The following USP25 variants were observed in gnomAD, a reference collection of about 807,000 sequenced individuals.
USP25 encodes the protein ubiquitin specific peptidase 25, also known as ubiquitin carboxyl-terminal hydrolase 25.
A neutral mutation model predicts 158.5 loss-of-function variants in USP25; 85 were observed. The observed-to-expected ratio is 0.54, with a 90% confidence interval of 0.45 to 0.64. The LOEUF is 0.64. USP25 is among the 30% of genes least tolerant of loss of function. USP25 has a pLI of 0.00. For missense variants in USP25, 1,242 were observed against 1,327.3 expected (o/e 0.94, Z 1.00); for synonymous variants, 464 against 460.4 (o/e 1.01, Z -0.10).
chr21:15,754,714 C>T (rs1422416037), intron 1 of USP25, among the ~76,000 whole-genome samples: 2 of 152,138 alleles, frequency 1.3e-5, no homozygotes, highest in African/African-American at 4.8e-5. Context: ...ATGCAGAGGT[C>T]CTTTAAGCTG....
chr21:15,858,065 C>A (rs145694170), intron 20 of USP25, among the ~76,000 whole-genome samples: 1 of 151,978 alleles, frequency 6.6e-6, no homozygotes, highest in Non-Finnish European at 1.5e-5. Context: ...TGTTTTTGGA[C>A]AATACACTGA....
Position 15,754,088 on chromosome 21 carries a change from C to T in USP25, c.46-8803C>T, listed in dbSNP as rs376441857. 1.6e-4 allele frequency among the ~76,000 whole-genome samples: 24 copies of T among 152,068 alleles called. No individual in the cohort carries two copies. The East Asian group carries it at 3.9e-3, about 24-fold the overall frequency. The stretch of plus-strand genomic sequence containing the variant: ...TCCTTTAAAAATGGATTTTTTTTCA[C>T]AAAAGGACAGTTTTTCAAGGTTACT... On this transcript the variant is annotated intron_variant, in intron 1 of 25. Transcript: ENST00000400183.
chr21:15,850,849 C>T (rs1255368823), intron 20 of USP25, among the ~76,000 whole-genome samples: 2 of 151,808 alleles, frequency 1.3e-5, no homozygotes, highest in African/African-American at 2.4e-5. Context: ...CTGATATGCC[C>T]GGGACTGAGG....
intron 6 of USP25, among the ~76,000 whole-genome samples, chr21:15,802,409 T>C (rs895187456): frequency 3.3e-5 from 5 of 151,534 alleles, no homozygotes; most frequent in African/African-American, 1.2e-4. Flanking sequence ...TAAGTCTCAG[T>C]GCATCTTAGA....
chr21:15,878,217 G>T, intron 25 of USP25, 86 bp from the exon 26 acceptor site: 2 of 1,496,616 alleles, frequency 1.3e-6, no homozygotes, highest in Non-Finnish European at 9.0e-7. Context: ...TTACCTATTA[G>T]AGTAAGTTAA....
intron 22 of USP25, 84 bp downstream of exon 22, chr21:15,866,428 G>T (rs2039663689): frequency 4.0e-6 from 4 of 999,270 alleles, no homozygotes; most frequent in Non-Finnish European, 5.6e-6. Context: ...CCCAACTGAA[G>T]TTGAATTTGT....
intron 4 of USP25, among the ~76,000 whole-genome samples, chr21:15,791,101 T>C (rs939205556): frequency 1.3e-5 from 2 of 151,850 alleles, no homozygotes; most frequent in Non-Finnish European, 2.9e-5. Flanking sequence ...ACTTGTTCAG[T>C]TTTTAATGTT....
intron 5 of USP25, among the ~76,000 whole-genome samples, chr21:15,795,395 C>G (rs532666820): frequency 6.6e-6 from 1 of 151,632 alleles, no homozygotes; most frequent in Non-Finnish European, 1.5e-5. Flanking sequence ...AATGCTTCAA[C>G]ATGTTTGTTA....
At chr21:15,823,690 C>T (rs947921321) in intron 10 of USP25, among the ~76,000 whole-genome samples, 1 of 152,110 alleles carries the variant, frequency 6.6e-6, no homozygotes, top group Non-Finnish European at 1.5e-5. Context: ...TGCCATTCAA[C>T]ATCACGTTGA....
chr21:15,746,737 A>G (rs1430400434), intron 1 of USP25, among the ~76,000 whole-genome samples: 1 of 152,188 alleles, frequency 6.6e-6, no homozygotes. Flanking sequence ...TTGCTGGTAT[A>G]TAGAATGTGG....
Position 15,796,403 on chromosome 21 carries a change from C to T in USP25, c.556-3354C>T, listed in dbSNP as rs550163995. Among the ~76,000 whole-genome samples, 3 of 151,420 alleles carry T rather than the reference C, an allele frequency of 2.0e-5. No individual in the cohort carries two copies. The East Asian group carries it at 5.8e-4, about 29-fold the overall frequency. On this transcript the variant is annotated intron_variant, in intron 5 of 25. Coordinates refer to ENST00000400183, the MANE Select transcript of USP25 (RefSeq NM_001283041.3). ...TTGAGGGCATCACAGAGTACTAAAG[C>T]AGTGAGGAATTTTGAGTAAAGAAGG...
chr21:15,756,694 T>G (rs751157520), intron 1 of USP25, among the ~76,000 whole-genome samples: 4 of 152,176 alleles, frequency 2.6e-5, no homozygotes, highest in Non-Finnish European at 5.9e-5. Flanking sequence ...AGTAGACACT[T>G]AAGGATGTTA....
chr21:15,829,177 AT>A (rs375096956), intron 14 of USP25, among the ~76,000 whole-genome samples: 10 of 151,888 alleles, frequency 6.6e-5, no homozygotes, highest in Middle Eastern at 3.4e-3. Flanking sequence ...GTTCTTTTTT[AT>A]GTTCAGGGGT....
chr21:15,859,361 T>G (rs1220590831), intron 20 of USP25, among the ~76,000 whole-genome samples: 1 of 151,578 alleles, frequency 6.6e-6, no homozygotes, highest in African/African-American at 2.4e-5. Context: ...CCTGGCTAAG[T>G]TTTTTTTGTA....
intron 1 of USP25, among the ~76,000 whole-genome samples, chr21:15,736,031 T>C (rs2123170478): frequency 6.6e-6 from 1 of 151,960 alleles, no homozygotes; most frequent in South Asian, 2.1e-4. Flanking sequence ...TATATGTATG[T>C]AGACATGCCA....
intron 17 of USP25, among the ~76,000 whole-genome samples, chr21:15,838,390 A>T (rs1441962577): frequency 2.0e-5 from 3 of 152,148 alleles, no homozygotes; most frequent in Non-Finnish European, 2.9e-5. Flanking sequence ...AAAATTTTAA[A>T]GTAGAAACAA....
intron 20 of USP25, among the ~76,000 whole-genome samples, chr21:15,856,481 T>TC (rs1409378775): frequency 6.6e-6 from 1 of 151,982 alleles, no homozygotes; most frequent in East Asian, 1.9e-4. Context: ...TTTTTTTCTT[T>TC]TTTTTTTTGA....
intron 20 of USP25, among the ~76,000 whole-genome samples, chr21:15,858,198 T>A (rs147051494): frequency 6.6e-6 from 1 of 152,080 alleles, no homozygotes; most frequent in African/African-American, 2.4e-5. Flanking sequence ...CTTCTGATGA[T>A]TTTTAAAATC....
At chr21:15,877,641 G>T in intron 24 of USP25, 155 bp from the exon 25 acceptor site, 2 of 568,372 alleles carry the variant, frequency 3.5e-6, no homozygotes, top group South Asian at 2.6e-5. Flanking sequence ...GAGATTTTCA[G>T]TTCTAGATAG....
Sources: allele counts gnomAD v4.1 joint callset (sites outside exome capture counted in the v4.1 genomes callset), GRCh38; gene constraint gnomAD v4.1.1; transcripts MANE v1.5; gene names NCBI Gene and HGNC (gene_info 2026-07-23, HGNC 2026-07-21).